DAB1: variants seen among roughly 807,000 people sequenced by gnomAD.
DAB1 encodes the protein disabled homolog 1.
In DAB1, 15 loss-of-function variants were observed where a neutral mutation model predicts 64.6. That is an observed-to-expected ratio of 0.23 (90% CI 0.16 to 0.36). The LOEUF is 0.36. DAB1 is among the 10% of genes least tolerant of loss of function. The pLI is 1.00. For missense variants in DAB1, 596 were observed against 706.7 expected (o/e 0.84, Z 1.78); for synonymous variants, 235 against 251.9 (o/e 0.93, Z 0.64).
chr1:57,247,167 T>C (rs761015379), intron 2 of DAB1, among the ~76,000 whole-genome samples: 18 of 152,144 alleles, frequency 1.2e-4, no homozygotes, highest in Non-Finnish European at 2.1e-4. Context: ...TTATATAGTC[T>C]GGCTCTGTGT....
At position 58,191,969 on chromosome 1, in the gene DAB1, C is replaced by T. The variant is rs368753973; in HGVS notation, n.310-41381G>A. Among the ~76,000 whole-genome samples, 15 of 152,334 alleles carry T rather than the reference C, an allele frequency of 9.8e-5. No homozygotes were observed. The East Asian group carries it at 2.7e-3, about 27-fold the overall frequency. On this transcript the variant is annotated intron_variant and non_coding_transcript_variant, in intron 4 of 20. Coordinates refer to the DAB1 transcript ENST00000485760. ...CAAAGTATTTTCATGTCTAACACCA[C>T]CTTTGCTTTGCAAAACCAGCTGAAA...
intron 4 of DAB1, among the ~76,000 whole-genome samples, chr1:57,108,242 A>G (rs1462158266): frequency 1.3e-5 from 2 of 152,184 alleles, no homozygotes; most frequent in Admixed American, 6.5e-5. Context: ...TCACTGAGAG[A>G]CATATTTGTT....
At chr1:57,709,228 C>T (rs1176017494) in intron 6 of DAB1, among the ~76,000 whole-genome samples, 1 of 152,024 alleles carries the variant, frequency 6.6e-6, no homozygotes, top group East Asian at 1.9e-4. Context: ...TTCTGTATTC[C>T]AGTTCACTAG....
intron 5 of DAB1, among the ~76,000 whole-genome samples, chr1:57,989,724 T>C (rs987758548): frequency 6.6e-6 from 1 of 152,108 alleles, no homozygotes; most frequent in Non-Finnish European, 1.5e-5. Context: ...GAGAAGTAAT[T>C]GCCACAAAAA....
chr1:58,166,716 G>A (rs1655852066), intron 4 of DAB1, among the ~76,000 whole-genome samples: 1 of 145,690 alleles, frequency 6.9e-6, no homozygotes, highest in African/African-American at 2.5e-5. Flanking sequence ...GTAAACTCAT[G>A]TTTAACATTT....
At chr1:57,097,968 G>A (rs1654326414) in intron 4 of DAB1, among the ~76,000 whole-genome samples, 1 of 151,952 alleles carries the variant, frequency 6.6e-6, no homozygotes, top group South Asian at 2.1e-4. Flanking sequence ...TAATAGGGAC[G>A]GGGTTTCACC....
At chr1:57,890,141 AGAGGTTT>A (rs1166636494) in intron 5 of DAB1, among the ~76,000 whole-genome samples, 2 of 152,126 alleles carry the variant, frequency 1.3e-5, no homozygotes, top group Non-Finnish European at 2.9e-5. Context: ...GGAGAATCTT[AGAGGTTT>A]GAGTGATTGG....
At chr1:57,306,179 G>T (rs1368812342) in intron 1 of DAB1, among the ~76,000 whole-genome samples, 1 of 151,954 alleles carries the variant, frequency 6.6e-6, no homozygotes, top group Non-Finnish European at 1.5e-5. Context: ...CCACTCCTAT[G>T]GTAAATCCAG....
intron 6 of DAB1, among the ~76,000 whole-genome samples, chr1:57,745,473 T>C (rs1475995822): frequency 6.6e-6 from 1 of 152,250 alleles, no homozygotes; most frequent in East Asian, 1.9e-4. Flanking sequence ...ACTTGGATTG[T>C]TCTGTTACTT....
intron 3 of DAB1, among the ~76,000 whole-genome samples, chr1:58,406,664 C>A (rs1288341824): frequency 4.6e-5 from 7 of 152,146 alleles, no homozygotes; most frequent in Admixed American, 3.3e-4. Context: ...GTTCTGATTC[C>A]CTCTGACTCT....
intron 2 of DAB1, among the ~76,000 whole-genome samples, chr1:58,525,176 T>C (rs1646330322): frequency 6.6e-6 from 1 of 152,194 alleles, no homozygotes; most frequent in South Asian, 2.1e-4. Flanking sequence ...AAGACTAATA[T>C]CTACATGTAT....
chr1:57,483,982 A>T (rs1558423825), intron 7 of DAB1, among the ~76,000 whole-genome samples: 1 of 152,216 alleles, frequency 6.6e-6, no homozygotes, highest in Non-Finnish European at 1.5e-5. Context: ...GTGGTTATAC[A>T]TGCTGTGGGA....
chr1:57,324,877 CCTT>C (rs1269021384), intron 1 of DAB1, among the ~76,000 whole-genome samples: 1 of 152,200 alleles, frequency 6.6e-6, no homozygotes, highest in Non-Finnish European at 1.5e-5. Flanking sequence ...TGACTCCCCT[CCTT>C]CATGTTCCAG....
intron 5 of DAB1, among the ~76,000 whole-genome samples, chr1:57,990,274 T>C (rs1445115512): frequency 1.3e-5 from 2 of 152,166 alleles, no homozygotes; most frequent in African/African-American, 4.8e-5. Flanking sequence ...TGAGGTAGAC[T>C]TACAGAGAAT....
Position 57,060,481 on chromosome 1 carries a change from C to T in DAB1, c.723+2403G>A, listed in dbSNP as rs1650277585. On this transcript the variant is annotated intron_variant, in intron 9 of 14. Transcript: ENST00000371236. ...TATTTATTAAATGTTCCTAAAGCAG[C>T]CGTGTTGTACCTGGCTTTCATATAC... Among the ~76,000 whole-genome samples the T allele has an allele frequency of 3.3e-5, 5 of 152,116 alleles. No homozygotes were observed. The South Asian group carries it at 1.0e-3, about 31-fold the overall frequency.
At chr1:58,266,143 A>G (rs778373663) in intron 4 of DAB1, among the ~76,000 whole-genome samples, 30 of 152,112 alleles carry the variant, frequency 2.0e-4, no homozygotes, top group Non-Finnish European at 3.7e-4. Flanking sequence ...TTTAAATACA[A>G]AGATGCCTGA....
At chr1:57,454,212 AG>A (rs200219321) in intron 7 of DAB1, among the ~76,000 whole-genome samples, 3,687 of 152,220 alleles carry the variant, frequency 0.024, 148 homozygotes, top group African/African-American at 0.081. Context: ...CCATCTTGAA[AG>A]GGGAGTTATA....
At chr1:57,244,238 A>G (rs1465350688) in intron 2 of DAB1, among the ~76,000 whole-genome samples, 1 of 152,244 alleles carries the variant, frequency 6.6e-6, no homozygotes, top group Non-Finnish European at 1.5e-5. Context: ...CCGAATAAAC[A>G]GTGAGCTTGC....
chr1:57,797,421 T>A (rs1650923768), intron 6 of DAB1, among the ~76,000 whole-genome samples: 2 of 152,248 alleles, frequency 1.3e-5, no homozygotes, highest in South Asian at 2.1e-4. Flanking sequence ...AAGAGATTAA[T>A]AATACTTCCC....
Sources: allele counts gnomAD v4.1 joint callset (sites outside exome capture counted in the v4.1 genomes callset), GRCh38; gene constraint gnomAD v4.1.1; transcripts MANE v1.5; gene names NCBI Gene and HGNC (gene_info 2026-07-23, HGNC 2026-07-21).